Variants in CLSTN2 observed in about 807,000 individuals in gnomAD.
CLSTN2 encodes calsyntenin 2.
CLSTN2 carries 48 observed loss-of-function variants against 101.2 expected under a neutral mutation model. The observed-to-expected ratio is 0.47, with a 90% confidence interval of 0.38 to 0.60. CLSTN2 has a LOEUF of 0.60. Ranked by LOEUF, CLSTN2 falls within the 20% of genes least tolerant of loss-of-function variation. The pLI is 0.00. For synonymous variants in CLSTN2, 481 were observed against 463.6 expected, an observed-to-expected ratio of 1.04 and a Z score of -0.48; for missense variants, 1,160 against 1,238.2, an observed-to-expected ratio of 0.94 and a Z score of 0.95.
chr3:140,323,129 G>A (rs766382127), intron 2 of CLSTN2, among the ~76,000 whole-genome samples: 6 of 152,188 alleles, frequency 3.9e-5, no homozygotes, highest in African/African-American at 9.7e-5. Flanking sequence ...GCCAGGAAAC[G>A]GAGGGGTTCT....
At chr3:140,172,940 G>A (rs1405933944) in intron 1 of CLSTN2, among the ~76,000 whole-genome samples, 4 of 152,148 alleles carry the variant, frequency 2.6e-5, no homozygotes, top group Admixed American at 2.0e-4. Flanking sequence ...TTTGGGTGGG[G>A]ACATAGAGCC....
At chr3:140,516,397 G>T (rs1247529694) in intron 8 of CLSTN2, among the ~76,000 whole-genome samples, 2 of 151,800 alleles carry the variant, frequency 1.3e-5, no homozygotes, top group African/African-American at 4.8e-5. Flanking sequence ...TGAATACCTT[G>T]CTTTTTTTCA....
rs543891355 is a variant in CLSTN2 at position 140,355,631 on chromosome 3, G to A, written c.233-47998G>A. Among the ~76,000 whole-genome samples, 4 of 152,330 alleles carry A rather than the reference G, an allele frequency of 2.6e-5. No individual in the cohort carries two copies. The East Asian group carries it at 7.7e-4, about 29-fold the overall frequency. ...TGGGGAAGGAAAGTTGTGCTGTGCA[G>A]CATGGGTCAGAAAATTTGAAAGGCA... On this transcript the variant is annotated intron_variant, in intron 2 of 16. Transcript: ENST00000458420.
intron 5 of CLSTN2, among the ~76,000 whole-genome samples, chr3:140,430,034 A>G (rs2088611738): frequency 6.6e-6 from 1 of 152,194 alleles, no homozygotes; most frequent in African/African-American, 2.4e-5. Flanking sequence ...GGGTTATTAA[A>G]TAAACTGAGG....
chr3:140,507,897 A>G (rs1934715737), intron 8 of CLSTN2: 1 of 152,220 alleles, frequency 6.6e-6, no homozygotes. Flanking sequence ...CCCATCTTAT[A>G]GATGAAGAAA....
chr3:140,384,965 G>A (rs1381887312), intron 2 of CLSTN2, among the ~76,000 whole-genome samples: 1 of 152,186 alleles, frequency 6.6e-6, no homozygotes, highest in African/African-American at 2.4e-5. Flanking sequence ...CAATTTCACG[G>A]GCAGCTTGGT....
intron 8 of CLSTN2, among the ~76,000 whole-genome samples, chr3:140,469,996 T>G (rs905043936): frequency 6.6e-6 from 1 of 152,210 alleles, no homozygotes; most frequent in Non-Finnish European, 1.5e-5. Flanking sequence ...TTCAGGATCT[T>G]ACTAGATTTA....
intron 2 of CLSTN2, among the ~76,000 whole-genome samples, chr3:140,242,081 T>C (rs2107868801): frequency 6.6e-6 from 1 of 152,010 alleles, no homozygotes; most frequent in Admixed American, 6.6e-5. Context: ...CTGGCTAATT[T>C]TTGTATTTTT....
rs1251295041 is a variant in CLSTN2, at chr3:140,251,282, A to G, written c.232+75209A>G. On this transcript the variant is annotated intron_variant, in intron 2 of 16. Coordinates refer to ENST00000458420, the MANE Select transcript of CLSTN2 (RefSeq NM_022131.3). ...TGGCAAGGCAATCACTGAGTTTTCCATTTGTAAAAATGTGTTCAAAATAAT... is the reference window on the plus strand; with the variant it reads ...TGGCAAGGCAATCACTGAGTTTTCCGTTTGTAAAAATGTGTTCAAAATAAT... Among the ~76,000 whole-genome samples the G allele has an allele frequency of 3.3e-5, 5 of 152,196 alleles. No individual in the cohort carries two copies. The East Asian group carries it at 7.7e-4, about 23-fold the overall frequency.
rs369708822 is a variant in CLSTN2, at chr3:140,179,389, G to C, written c.232+3316G>C. ...CCCAGCACTTTGGGAGGCTGAGGAG[G>C]GGAGGATTGCTTGAGCCCAGGAGTT... On this transcript the variant is annotated intron_variant, in intron 2 of 16. Transcript: ENST00000458420. Among the ~76,000 whole-genome samples the C allele has an allele frequency of 1.1e-4, 17 of 149,932 alleles. 1 individual carries two copies. The highest frequency in any genetic ancestry group is 8.0e-4 in the Admixed American group (12 of 15,060).
chr3:140,278,122 G>A (rs549059214), intron 2 of CLSTN2, among the ~76,000 whole-genome samples: 46 of 152,298 alleles, frequency 3.0e-4, no homozygotes, highest in East Asian at 7.7e-4. Flanking sequence ...GGGGGCTTAC[G>A]CCTAAACTCC....
chr3:140,156,359 T>G (rs944484682), intron 1 of CLSTN2, among the ~76,000 whole-genome samples: 1 of 152,244 alleles, frequency 6.6e-6, no homozygotes, highest in Non-Finnish European at 1.5e-5. Flanking sequence ...CTTTTCCATT[T>G]TATTGCTCAT....
intron 2 of CLSTN2, among the ~76,000 whole-genome samples, chr3:140,399,876 C>G (rs1485733991): frequency 6.6e-6 from 1 of 152,002 alleles, no homozygotes; most frequent in African/African-American, 2.4e-5. Flanking sequence ...CTCCCTCCCC[C>G]TGTTTGTATT....
chr3:140,467,673 A>G (rs555879381), intron 8 of CLSTN2, among the ~76,000 whole-genome samples: 26 of 152,166 alleles, frequency 1.7e-4, no homozygotes, highest in African/African-American at 5.8e-4. Context: ...TCCAAAGCCC[A>G]CTGTGTGTAC....
At chr3:140,487,980 T>C (rs1232945825) in intron 8 of CLSTN2, among the ~76,000 whole-genome samples, 3 of 152,230 alleles carry the variant, frequency 2.0e-5, no homozygotes, top group Non-Finnish European at 4.4e-5. Flanking sequence ...GCCACTTATT[T>C]TTCTGCCTGT....
rs1935566147 is a variant in CLSTN2 at position 139,964,842 on chromosome 3, T to G, written c.109+29359T>G. On this transcript the variant is annotated intron_variant, in intron 1 of 16. Coordinates refer to ENST00000458420, the MANE Select transcript of CLSTN2 (RefSeq NM_022131.3). ...CATGCAGTGCTATTTCCAGGAGGTTTGATTTTTACCTCCCGGCCACACATC... is the reference window on the plus strand; with the variant it reads ...CATGCAGTGCTATTTCCAGGAGGTTGGATTTTTACCTCCCGGCCACACATC... Among the ~76,000 whole-genome samples, 3 of 152,206 alleles carry G rather than the reference T, an allele frequency of 2.0e-5. No individual in the cohort carries two copies. In the South Asian group the frequency reaches 6.2e-4, roughly 31 times the overall value.
At chr3:140,209,576 C>T (rs1443719912) in intron 2 of CLSTN2, among the ~76,000 whole-genome samples, 1 of 152,074 alleles carries the variant, frequency 6.6e-6, no homozygotes, top group African/African-American at 2.4e-5. Context: ...CTGAGGGAAG[C>T]TGTGTTAGCT....
chr3:140,014,429 G>A (rs1488429492), intron 1 of CLSTN2, among the ~76,000 whole-genome samples: 1 of 151,984 alleles, frequency 6.6e-6, no homozygotes, highest in Non-Finnish European at 1.5e-5. Context: ...ATGTTGGCCA[G>A]GCTGGTCTCA....
intron 4 of CLSTN2, among the ~76,000 whole-genome samples, chr3:140,417,679 C>G (rs951341832): frequency 3.3e-5 from 5 of 152,070 alleles, no homozygotes; most frequent in African/African-American, 1.2e-4. Context: ...GATTAGGTCT[C>G]CTGAGAAGAC....
Sources: gnomAD v4.1 joint callset for allele counts (sites outside exome capture counted in the v4.1 genomes callset) on GRCh38, gnomAD v4.1.1 for gene constraint, MANE v1.5 for transcripts, NCBI Gene and HGNC (gene_info 2026-07-23, HGNC 2026-07-21) for gene names.